Variants in CREB1 observed in about 807,000 individuals in gnomAD.
CREB1 encodes the protein cAMP responsive element binding protein 1.
Under a neutral mutation model 42.0 loss-of-function variants are expected in CREB1, and 2 were observed. The ratio of observed to expected loss-of-function variants is 0.05; its 90% CI spans 0.02 to 0.15. The LOEUF (loss-of-function observed/expected upper bound fraction) is 0.15. Among genes scored for constraint, CREB1 ranks in the 10% least tolerant of loss-of-function variants. The pLI is 1.00. For synonymous variants in CREB1, 123 were observed against 139.9 expected (o/e 0.88, Z 0.85); for missense variants, 199 against 388.9 (o/e 0.51, Z 4.11).
At chr2:207,560,692 T>A (rs1011449737) in intron 3 of CREB1, among the ~76,000 whole-genome samples, 1 of 152,170 alleles carries the variant, frequency 6.6e-6, no homozygotes, top group East Asian at 1.9e-4. Context: ...AAAATTGAGA[T>A]GCAAAAATAG....
rs139123873 is a variant in CREB1 at position 207,603,901 on chromosome 2, G to A, written c.*6843G>A. Among the ~76,000 whole-genome samples, 588 of 152,298 alleles carry A rather than the reference G, an allele frequency of 3.9e-3. 3 individuals are homozygous for A. Among genetic ancestry groups the A allele is most frequent in the Middle Eastern group, 0.014 (4 of 294 alleles). ...TAACTTCTGAAATAAGTTCTGAGAC[G>A]AGACATCTGAAAATAAGCAGCTGCA... On this transcript the variant is annotated 3_prime_UTR_variant, in exon 8 of 8. Transcript: ENST00000353267.
intron 3 of CREB1, among the ~76,000 whole-genome samples, chr2:207,565,309 C>T (rs2082099941): frequency 2.0e-5 from 3 of 152,036 alleles, no homozygotes; most frequent in African/African-American, 7.2e-5. Flanking sequence ...ATCAGGGACT[C>T]CATAGGAATT....
rs566655531 is a variant in CREB1, at chr2:207,599,006, T to C, written c.*1948T>C. ...TTTAAGTGTTAATTGCTGGATCCATTTTAAAATAAGATTTTAATTAACATT... is the reference window on the plus strand; with the variant it reads ...TTTAAGTGTTAATTGCTGGATCCATCTTAAAATAAGATTTTAATTAACATT... On this transcript the variant is annotated 3_prime_UTR_variant, in exon 8 of 8. Coordinates refer to ENST00000353267, the MANE Select transcript of CREB1 (RefSeq NM_004379.5). The C allele has an allele frequency of 2.7e-5, 5 of 185,486 alleles. No homozygotes were observed. Among genetic ancestry groups the C allele is most frequent in the African/African-American group, 1.2e-4 (5 of 42,764 alleles). The allele number at this position is 185,486 out of a possible 1,614,324, so 11.5% of individuals were successfully genotyped here. A position where few individuals can be genotyped will look rare whatever the true frequency, so the allele number is the denominator to read the frequency against.
intron 7 of CREB1, among the ~76,000 whole-genome samples, chr2:207,578,350 GACAA>G (rs917359268): frequency 1.6e-4 from 25 of 152,012 alleles, no homozygotes; most frequent in African/African-American, 5.3e-4. Flanking sequence ...AAGTGACCGA[GACAA>G]ACAAAAGAAA....
intron 7 of CREB1, among the ~76,000 whole-genome samples, chr2:207,579,003 G>T (rs1438277859): frequency 1.3e-5 from 2 of 151,998 alleles, no homozygotes; most frequent in African/African-American, 4.8e-5. Context: ...GGCCAGGCTG[G>T]TCTCGAACTC....
At chr2:207,539,855 C>T (rs113252472) in intron 1 of CREB1, among the ~76,000 whole-genome samples, 3,082 of 152,208 alleles carry the variant, frequency 0.02, 47 homozygotes, top group Non-Finnish European at 0.03. Context: ...AAAATGAAAA[C>T]ATGGACATAT....
At chr2:207,595,229 C>G (rs1304044195) in intron 7 of CREB1, among the ~76,000 whole-genome samples, 1 of 151,830 alleles carries the variant, frequency 6.6e-6, no homozygotes, top group Non-Finnish European at 1.5e-5. Flanking sequence ...CTCCTGACCT[C>G]ATGATCCACC....
chr2:207,556,806 G>C (rs2081742704), intron 2 of CREB1, among the ~76,000 whole-genome samples: 1 of 152,140 alleles, frequency 6.6e-6, no homozygotes, highest in South Asian at 2.1e-4. Context: ...ATAAGAATCT[G>C]GGCTCATCTG....
chr2:207,545,092 G>A (rs575833570), intron 1 of CREB1, among the ~76,000 whole-genome samples: 4 of 152,334 alleles, frequency 2.6e-5, no homozygotes, highest in African/African-American at 9.6e-5. Context: ...TAAGGGGATT[G>A]CTGGGTCAAA....
At chr2:207,551,540 A>G (rs1392962273) in intron 1 of CREB1, among the ~76,000 whole-genome samples, 1 of 152,184 alleles carries the variant, frequency 6.6e-6, no homozygotes, top group Non-Finnish European at 1.5e-5. Context: ...CTCAGGTTGT[A>G]TTACAGTCTC....
intron 7 of CREB1, among the ~76,000 whole-genome samples, chr2:207,586,493 A>G (rs984717192): frequency 6.6e-6 from 1 of 152,224 alleles, no homozygotes; most frequent in African/African-American, 2.4e-5. Flanking sequence ...ATGCTTCCTG[A>G]CATTAGACTT....
rs571611963 is a variant in CREB1, at chr2:207,603,819, G to A, written c.*6761G>A. Among the ~76,000 whole-genome samples, 106 of 152,158 alleles carry A rather than the reference G, an allele frequency of 7.0e-4. No individual in the cohort carries two copies. Among genetic ancestry groups the A allele is most frequent in the African/African-American group, 2.5e-3 (105 of 41,500 alleles). On this transcript the variant is annotated 3_prime_UTR_variant, in exon 8 of 8. Coordinates refer to ENST00000353267, the MANE Select transcript of CREB1 (RefSeq NM_004379.5). ...ATATAAATTGGAAGGAAAGGGGAGG[G>A]GATATGGTTAATCTTTGCTTAAGCT... is the stretch of plus-strand genomic sequence containing the variant.
intron 1 of CREB1, among the ~76,000 whole-genome samples, chr2:207,540,489 A>T (rs1046445478): frequency 6.6e-6 from 1 of 151,864 alleles, no homozygotes. Flanking sequence ...AGAATACAAA[A>T]ATTAATTAAC....
chr2:207,560,206 TTC>T lies in CREB1; in HGVS notation c.115-18_115-17del. ...AAGAGTGTCTGGGATGATAATTCTT[TTC>T]TGTGTTCAACACCATAGGTATCTAT... On this transcript the variant is annotated intron_variant, in intron 2 of 7. Transcript: ENST00000353267. 6.5e-7 allele frequency: 1 copy of T among 1,548,334 alleles called. No homozygotes were observed. Among genetic ancestry groups the T allele is most frequent in the Non-Finnish European group, 8.8e-7 (1 of 1,136,738 alleles).
At chr2:207,577,259 A>G in intron 6 of CREB1, 1 of 1,072,334 alleles carries the variant, frequency 9.3e-7, no homozygotes, top group Non-Finnish European at 1.2e-6. Context: ...ATAGAACTGC[A>G]TTCAAATGAA....
intron 7 of CREB1, among the ~76,000 whole-genome samples, chr2:207,588,165 T>C (rs577129941): frequency 3.3e-5 from 5 of 152,230 alleles, no homozygotes; most frequent in Non-Finnish European, 7.3e-5. Flanking sequence ...TGTTATGTTT[T>C]ATGTTAGAGT....
intron 1 of CREB1, among the ~76,000 whole-genome samples, chr2:207,552,290 A>G (rs971961928): frequency 6.6e-6 from 1 of 152,114 alleles, no homozygotes; most frequent in African/African-American, 2.4e-5. Flanking sequence ...ATGGAGTAAT[A>G]TTTTCTAAAA....
rs140357947 is a variant in CREB1, at chr2:207,560,267, C to T, written c.156C>T (p.Thr52=). ...CTCATGCAACATCATCTGCTCCCAC[C>T]GTAACTCTAGTACAGCTGCCCAATG... is the stretch of plus-strand genomic sequence containing the variant. ...PAAHATSSAP[T]VTLVQLPNGQ... The change falls in exon 3 of 8, where the codon ACC becomes ACT. Residue 52 remains threonine (T), a synonymous_variant. Coordinates refer to ENST00000353267, the MANE Select transcript of CREB1 (RefSeq NM_004379.5). 3.1e-5 allele frequency: 50 copies of T among 1,613,248 alleles called. No homozygotes were observed. The highest frequency in any genetic ancestry group is 1.6e-4 in the Middle Eastern group (1 of 6,076).
rs368132376 is a variant in CREB1 at position 207,552,666 on chromosome 2, C to T, written c.-8-2962C>T. On this transcript the variant is annotated intron_variant, in intron 1 of 7. Transcript: ENST00000353267. Reference sequence around the variant, plus strand: ...TGTCACCCAGGCTGCAGTGCAGTGGCGCGATCTCGGCTTACTACAACCTCC... The same window carrying T: ...TGTCACCCAGGCTGCAGTGCAGTGGTGCGATCTCGGCTTACTACAACCTCC... 1.8e-4 allele frequency among the ~76,000 whole-genome samples: 27 copies of T among 146,374 alleles called. No individual in the cohort carries two copies. In the South Asian group the frequency reaches 5.2e-3, roughly 28 times the overall value.
Sources: allele counts gnomAD v4.1 joint callset (sites outside exome capture counted in the v4.1 genomes callset), GRCh38; gene constraint gnomAD v4.1.1; transcripts MANE v1.5; gene names NCBI Gene and HGNC (gene_info 2026-07-23, HGNC 2026-07-21).